Variants in EFS observed in about 807,000 individuals in gnomAD.
EFS encodes the protein embryonal Fyn-associated substrate.
In EFS, 34 loss-of-function variants were observed where a neutral mutation model predicts 42.2. The ratio of observed to expected loss-of-function variants is 0.81; its 90% CI spans 0.61 to 1.07. The LOEUF (loss-of-function observed/expected upper bound fraction) is 1.07, where lower values mean the gene tolerates loss of function less well. Among genes scored for constraint, EFS ranks in the 50% least tolerant of loss-of-function variants. The pLI, the probability that EFS is intolerant of heterozygous loss-of-function variation, is 0.00. For missense variants in EFS, 717 were observed against 729.4 expected, an observed-to-expected ratio of 0.98 and a Z score of 0.20; for synonymous variants, 299 against 320.7, an observed-to-expected ratio of 0.93 and a Z score of 0.72.
In EFS at chr14:23,357,544, G is replaced by C; in HGVS notation, c.1368C>G (p.Ala456=). 6.2e-7 allele frequency: 1 copy of C among 1,612,500 alleles called. No individual in the cohort carries two copies. Among genetic ancestry groups the C allele is most frequent in the Non-Finnish European group, 8.5e-7 (1 of 1,179,024 alleles). Residue 456 remains alanine, a synonymous_variant, in exon 6 of 6, where the codon GCC becomes GCG. Coordinates refer to ENST00000216733, the MANE Select transcript of EFS (RefSeq NM_005864.4). ...HYSALQAAVA[A]LMSSTQANQP... ...GATTAGCCTGGGTACTGGACATCAG[G>C]GCTGCCACGGCTGCCTGCAGGGCTG...
At position 23,360,164 on chromosome 14, in the gene EFS, C is replaced by T; in HGVS notation, c.415G>A (p.Ala139Thr). 1.2e-6 allele frequency: 2 copies of T among 1,614,186 alleles called. No homozygotes were observed. Among genetic ancestry groups the T allele is most frequent in the Non-Finnish European group, 1.7e-6 (2 of 1,180,028 alleles). ...KIPRASGTQLAAPRDALEVYD... is the reference protein window; with the variant it reads ...KIPRASGTQLTAPRDALEVYD... ...ACCTCCAAGGCATCTCTGGGAGCAG[C>T]CAGCTGGGTCCCACTAGCTCTGGGG... is the stretch of plus-strand genomic sequence containing the variant. Residue 139 changes from alanine (A) to threonine (T), a missense_variant, in exon 3 of 6, where the codon GCT becomes ACT. Coordinates refer to ENST00000216733, the MANE Select transcript of EFS (RefSeq NM_005864.4).
rs1308706092 is a variant in EFS, at chr14:23,356,535, A to G, written c.*691T>C. 1 of 152,240 alleles carries G rather than the reference A, an allele frequency of 6.6e-6. No homozygotes were observed. Among genetic ancestry groups the G allele is most frequent in the Non-Finnish European group, 1.5e-5 (1 of 68,066 alleles). The allele number at this position is 152,240 out of a possible 1,614,324, so 9.4% of individuals were successfully genotyped here. A position where few individuals can be genotyped will look rare whatever the true frequency, so the allele number is the denominator to read the frequency against. On this transcript the variant is annotated 3_prime_UTR_variant, in exon 6 of 6. Transcript: ENST00000216733. ...GGAGCAGAGAACTTGTCCAGTGAAT[A>G]GTTGTTGAAGAAAGGAGTAAAATCT...
intron 4 of EFS, 55 bp downstream of exon 4, chr14:23,359,262 C>T (rs1444172156): frequency 6.2e-7 from 1 of 1,610,204 alleles, no homozygotes; most frequent in Non-Finnish European, 8.5e-7. Flanking sequence ...TCTCCACACC[C>T]CTCCCCTTGG....
Position 23,358,793 on chromosome 14 carries a change from C to T in EFS, c.1251+83G>A, listed in dbSNP as rs541031886. On this transcript the variant is annotated intron_variant, in intron 5 of 5. Transcript: ENST00000216733. ...CTCCATCCTAACCTATTTCCTTCCA[C>T]GGTTGATGGCTCAGTTCTTCTCCCA... 1.1e-4 allele frequency: 144 copies of T among 1,304,668 alleles called. No homozygotes were observed. The African/African-American group carries it at 1.9e-3, about 17-fold the overall frequency. The allele number at this position is 1,304,668 out of a possible 1,614,324, so 80.8% of individuals were successfully genotyped here.
chr14:23,360,066 G>C (rs1400303021), intron 3 of EFS, 27 bp from the exon 4 acceptor site: 2 of 1,613,900 alleles, frequency 1.2e-6, no homozygotes, highest in African/African-American at 2.7e-5. Context: ...TCAGTCATCT[G>C]TCAGCTCAGC....
In EFS at chr14:23,357,207, G is replaced by C. The variant is rs770185255; in HGVS notation, c.*19C>G. Reference sequence around the variant, plus strand: ...GGCTTTGGCAGGCAGGGGAGGAGCAGAGCTGTGCCAAAGGACCTTCATGGA... The same window carrying C: ...GGCTTTGGCAGGCAGGGGAGGAGCACAGCTGTGCCAAAGGACCTTCATGGA... On this transcript the variant is annotated 3_prime_UTR_variant, in exon 6 of 6. Transcript: ENST00000216733. 5.9e-6 allele frequency: 9 copies of C among 1,525,578 alleles called. No individual in the cohort carries two copies. Among genetic ancestry groups the C allele is most frequent in the South Asian group, 1.3e-5 (1 of 77,072 alleles). 94.5% of individuals were successfully genotyped at this position (1,525,578 alleles called of 1,614,324 possible). A position where few individuals can be genotyped will look rare whatever the true frequency, so the allele number is the denominator to read the frequency against.
chr14:23,365,144 G>A lies in EFS; in HGVS notation c.-119C>T. ...CCCCAGCTGTGGCGCCTGAGTCGTG[G>A]CCTCCGCCAAGGTTGGAGGAGGAGA... On this transcript the variant is annotated 5_prime_UTR_variant, in exon 1 of 6. Coordinates refer to ENST00000216733, the MANE Select transcript of EFS (RefSeq NM_005864.4). This position sits in a 1 kb window ranked among gnomAD's most constrained non-coding sequence, Gnocchi z 5.3. 1 of 960,670 alleles carries A rather than the reference G, an allele frequency of 1.0e-6. No individual in the cohort carries two copies. The highest frequency in any genetic ancestry group is 1.4e-6 in the Non-Finnish European group (1 of 727,298). 59.5% of individuals were successfully genotyped at this position (960,670 alleles called of 1,614,324 possible). A position where few individuals can be genotyped will look rare whatever the true frequency, so the allele number is the denominator to read the frequency against.
At position 23,359,996 on chromosome 14, in the gene EFS, C is replaced by A; in HGVS notation, c.482G>T (p.Gly161Val). Residue 161 changes from glycine to valine, a missense_variant, in exon 4 of 6, where the codon GGC (glycine) becomes GTC (valine). Physicochemically the swap from Gly to Val is moderately radical, Grantham distance 109. Coordinates refer to ENST00000216733, the MANE Select transcript of EFS (RefSeq NM_005864.4). ...PPTALRVPSSGPYDCPASFSH... is the reference protein window; with the variant it reads ...PPTALRVPSSVPYDCPASFSH... ...AAAGGAGGCAGGGCAGTCATAGGGGCCACTGGAGGGCACCCGGAGGGCGGT... is the reference window on the plus strand; with the variant it reads ...AAAGGAGGCAGGGCAGTCATAGGGGACACTGGAGGGCACCCGGAGGGCGGT... The A allele has an allele frequency of 6.2e-7, 1 of 1,600,282 alleles. No individual in the cohort carries two copies.
chr14:23,361,668 C>T (rs559293208), intron 1 of EFS, among the ~76,000 whole-genome samples: 149 of 152,238 alleles, frequency 9.8e-4, no homozygotes, highest in African/African-American at 3.5e-3. Flanking sequence ...AAACATGTAT[C>T]ATTCTGTTTC....
intron 5 of EFS, 113 bp from the exon 6 acceptor site, chr14:23,357,773 C>G: frequency 1.1e-6 from 1 of 883,906 alleles, no homozygotes; most frequent in Non-Finnish European, 1.6e-6. Context: ...TAGCTCTTAC[C>G]TCTGCCCATC....
chr14:23,364,166 G>C (rs1890244885), intron 1 of EFS, among the ~76,000 whole-genome samples: 1 of 152,188 alleles, frequency 6.6e-6, no homozygotes, highest in Non-Finnish European at 1.5e-5. Flanking sequence ...AGACTGCATA[G>C]ACTGTAGAAC....
intron 5 of EFS, 99 bp downstream of exon 5, chr14:23,358,777 A>T: frequency 8.7e-7 from 1 of 1,143,686 alleles, no homozygotes; most frequent in Non-Finnish European, 1.2e-6. Context: ...ACTCCATCCT[A>T]ACCTATTTCC....
chr14:23,360,815 G>A lies in EFS; in HGVS notation c.37C>T (p.Leu13=). ...GGGGACTCAGCGGTGTTGTCATACA[G>A]TGCCCGGGCCAGCTGGGTCTGGTTG... ...IATSTQLARA[L]YDNTAESPQE... is the part of the protein sequence containing the mutation. Residue 13 remains leucine, a synonymous_variant, in exon 2 of 6, where the codon CTG becomes TTG. Transcript: ENST00000216733. 1 of 1,612,546 alleles carries A rather than the reference G, an allele frequency of 6.2e-7. No individual in the cohort carries two copies. Among genetic ancestry groups the A allele is most frequent in the Non-Finnish European group, 8.5e-7 (1 of 1,179,250 alleles).
chr14:23,358,377 C>A (rs1335809801), intron 5 of EFS, among the ~76,000 whole-genome samples: 1 of 152,242 alleles, frequency 6.6e-6, no homozygotes, highest in Non-Finnish European at 1.5e-5. Flanking sequence ...AGCACAGGGT[C>A]TGGCACTTGG....
At chr14:23,357,954 A>T (rs1316808426) in intron 5 of EFS, among the ~76,000 whole-genome samples, 2 of 152,202 alleles carry the variant, frequency 1.3e-5, no homozygotes, top group Non-Finnish European at 2.9e-5. Flanking sequence ...CATAATGTGA[A>T]CCACATGTGA....
intron 1 of EFS, 130 bp from the exon 2 acceptor site, chr14:23,360,963 C>G (rs571494366): frequency 1.4e-4 from 136 of 955,914 alleles, no homozygotes; most frequent in Non-Finnish European, 1.9e-4. Flanking sequence ...ATGCAGCTTT[C>G]TGCCTGGGCC....
Position 23,359,456 on chromosome 14 carries a change from G to T in EFS, c.1022C>A (p.Pro341Gln). 1.2e-6 allele frequency: 2 copies of T among 1,603,804 alleles called. No homozygotes were observed. The highest frequency in any genetic ancestry group is 1.7e-6 in the Non-Finnish European group (2 of 1,175,502). Residue 341 changes from proline (P) to glutamine (Q), a missense_variant, in exon 4 of 6, where the codon CCA (proline) becomes CAA (glutamine). Coordinates refer to ENST00000216733, the MANE Select transcript of EFS (RefSeq NM_005864.4). The part of the protein sequence containing the change: ...SIQDRPLPPP[P>Q]PRLPGYGGPK... ...GCCTCCATAACCAGGCAGGCGGGGT[G>T]GGGGTGGGGGCAGAGGCCGGTCCTG...
intron 5 of EFS, among the ~76,000 whole-genome samples, chr14:23,358,335 C>T (rs1889996637): frequency 6.6e-6 from 1 of 152,238 alleles, no homozygotes; most frequent in Non-Finnish European, 1.5e-5. Context: ...TTAACTGTGG[C>T]TGTGATTAAT....
At chr14:23,362,379 C>G (rs1382227236) in intron 1 of EFS, among the ~76,000 whole-genome samples, 1 of 152,180 alleles carries the variant, frequency 6.6e-6, no homozygotes, top group Non-Finnish European at 1.5e-5. Flanking sequence ...CCACCAGACC[C>G]TGGGGAGAAG....
Sources: gnomAD v4.1 joint callset for allele counts (sites outside exome capture counted in the v4.1 genomes callset) on GRCh38, gnomAD v4.1.1 for gene constraint, Gnocchi (gnomAD v3.1) non-coding constraint, MANE v1.5 for transcripts, NCBI Gene and HGNC (gene_info 2026-07-23, HGNC 2026-07-21) for gene names.